The following KIAA1328 variants were observed in gnomAD, a reference collection of about 807,000 sequenced individuals.
KIAA1328 encodes the protein KIAA1328.
A neutral mutation model predicts 68.1 loss-of-function variants in KIAA1328; 52 were observed. That is an observed-to-expected ratio of 0.76 (90% CI 0.61 to 0.96). KIAA1328 has a LOEUF of 0.96. Among genes scored for constraint, KIAA1328 ranks in the 40% least tolerant of loss-of-function variants. The probability of loss-of-function intolerance (pLI) is 0.00; values close to 1 mark genes in which losing one functional copy is unlikely to be tolerated. For synonymous variants in KIAA1328, 232 were observed against 239.4 expected (o/e 0.97, Z 0.28); for missense variants, 641 against 677.6 (o/e 0.95, Z 0.60).
chr18:37,040,812 A>G (rs1285638063), intron 6 of KIAA1328, among the ~76,000 whole-genome samples: 1 of 151,622 alleles, frequency 6.6e-6, no homozygotes, highest in African/African-American at 2.4e-5. Context: ...TTTTCAATCC[A>G]TGATTTTAGA....
chr18:36,982,730 T>A (rs558414147), intron 6 of KIAA1328, among the ~76,000 whole-genome samples: 20 of 151,958 alleles, frequency 1.3e-4, no homozygotes, highest in Non-Finnish European at 2.8e-4. Context: ...GGTAAATATA[T>A]AATATTTTTT....
chr18:36,831,574 T>C (rs915831014), intron 1 of KIAA1328, among the ~76,000 whole-genome samples: 2 of 152,230 alleles, frequency 1.3e-5, no homozygotes, highest in African/African-American at 4.8e-5. Flanking sequence ...TGTATTACCA[T>C]TAGCAATATC....
At chr18:37,021,039 C>G (rs1399326854) in intron 6 of KIAA1328, among the ~76,000 whole-genome samples, 2 of 152,124 alleles carry the variant, frequency 1.3e-5, no homozygotes, top group Non-Finnish European at 2.9e-5. Flanking sequence ...CAGACTTGCC[C>G]TAACAGATTT....
In KIAA1328 at chr18:37,222,279, T is replaced by G; in HGVS notation, c.*52T>G. ...TTGTGGGTTTCCTCACATACTGATC[T>G]AGGATTTTAAATTATTTCATTGCAA... is the stretch of plus-strand genomic sequence containing the variant. On this transcript the variant is annotated 3_prime_UTR_variant, in exon 10 of 10. Transcript: ENST00000280020. 2 of 1,542,766 alleles carry G rather than the reference T, an allele frequency of 1.3e-6. No homozygotes were observed. Among genetic ancestry groups the G allele is most frequent in the South Asian group, 2.4e-5 (2 of 82,724 alleles).
chr18:37,139,371 G>C (rs1483292042), intron 7 of KIAA1328, among the ~76,000 whole-genome samples: 1 of 152,152 alleles, frequency 6.6e-6, no homozygotes, highest in Non-Finnish European at 1.5e-5. Flanking sequence ...TTATCTTTAA[G>C]ACGAGTTCTA....
At chr18:37,182,324 A>T (rs2059713754) in intron 9 of KIAA1328, among the ~76,000 whole-genome samples, 1 of 152,168 alleles carries the variant, frequency 6.6e-6, no homozygotes, top group Admixed American at 6.5e-5. Flanking sequence ...GCTCCAAGAG[A>T]CAATTACAGA....
In KIAA1328 at chr18:36,864,540, A is replaced by G. The variant is rs934363245; in HGVS notation, c.332+20238A>G. The stretch of plus-strand genomic sequence containing the variant: ...AGTTATAATTGTTTTTATGTGTTGT[A>G]GGATTTGATTTTCTATTAGTTTGTT... On this transcript the variant is annotated intron_variant, in intron 4 of 9. Transcript: ENST00000280020. 2.0e-5 allele frequency among the ~76,000 whole-genome samples: 3 copies of G among 150,074 alleles called. No individual in the cohort carries two copies. The South Asian group carries it at 6.3e-4, about 31-fold the overall frequency.
rs947206537 is a variant in KIAA1328, at chr18:36,829,325, C to T, written c.58+129C>T. ...ACCCCGGGGATGGGGACGTGCTGCT[C>T]GGCCCCAGTCTAGGTGCTGGGCTCT... On this transcript the variant is annotated intron_variant, in intron 1 of 9. Transcript: ENST00000280020. The T allele has an allele frequency of 2.0e-5, 28 of 1,399,696 alleles. No individual in the cohort carries two copies. In the African/African-American group the frequency reaches 3.8e-4, roughly 19 times the overall value. The allele number at this position is 1,399,696 out of a possible 1,614,324, so 86.7% of individuals were successfully genotyped here.
At chr18:36,984,775 G>T (rs902087743) in intron 6 of KIAA1328, among the ~76,000 whole-genome samples, 1 of 151,838 alleles carries the variant, frequency 6.6e-6, no homozygotes, top group Non-Finnish European at 1.5e-5. Flanking sequence ...GTGTGATGGT[G>T]CATGCCCGTA....
chr18:36,863,642 C>G (rs1336340011), intron 4 of KIAA1328, among the ~76,000 whole-genome samples: 3 of 152,100 alleles, frequency 2.0e-5, no homozygotes, highest in African/African-American at 4.8e-5. Flanking sequence ...GTCTTCTCAT[C>G]TATGAACATG....
chr18:36,949,612 C>T (rs1211706424), intron 5 of KIAA1328, among the ~76,000 whole-genome samples: 2 of 114,862 alleles, frequency 1.7e-5, no homozygotes, highest in Non-Finnish European at 3.5e-5. Context: ...CCCCCCCACC[C>T]CCCGATCTTG....
chr18:37,217,069 C>G (rs543940114), intron 9 of KIAA1328, among the ~76,000 whole-genome samples: 1 of 149,450 alleles, frequency 6.7e-6, no homozygotes, highest in East Asian at 2.0e-4. Flanking sequence ...TGTCTCTGCA[C>G]GTGAGATGAG....
intron 6 of KIAA1328, among the ~76,000 whole-genome samples, chr18:37,042,479 C>T (rs1200353489): frequency 6.6e-6 from 1 of 152,210 alleles, no homozygotes; most frequent in African/African-American, 2.4e-5. Flanking sequence ...ATTTTGCCTT[C>T]ATGCCTTCAT....
Position 36,875,423 on chromosome 18 carries a change from T to C in KIAA1328, c.333-10134T>C, listed in dbSNP as rs2048087126. On this transcript the variant is annotated intron_variant, in intron 4 of 9. Coordinates refer to ENST00000280020, the MANE Select transcript of KIAA1328 (RefSeq NM_020776.3). Reference sequence around the variant, plus strand: ...TATTCCTAGGTATTTATTCTCTTTGTAGCAATGGTGAATGGGAGTTCACTC... The same window carrying C: ...TATTCCTAGGTATTTATTCTCTTTGCAGCAATGGTGAATGGGAGTTCACTC... Among the ~76,000 whole-genome samples, 10 of 152,290 alleles carry C rather than the reference T, an allele frequency of 6.6e-5. No homozygotes were observed. The South Asian group carries it at 2.1e-3, about 32-fold the overall frequency.
chr18:37,200,583 G>A lies in KIAA1328; in HGVS notation c.1524-21434G>A, dbSNP rs572024627. 2.8e-4 allele frequency among the ~76,000 whole-genome samples: 43 copies of A among 151,560 alleles called. 1 individual carries two copies. The South Asian group carries it at 6.7e-3, about 24-fold the overall frequency. On this transcript the variant is annotated intron_variant, in intron 9 of 9. Transcript: ENST00000280020. ...TCCCAGCACTTTGGGAGGCCGAGGCGGGTGGATCATGAGGTCAGGAGATCG... is the reference window on the plus strand; with the variant it reads ...TCCCAGCACTTTGGGAGGCCGAGGCAGGTGGATCATGAGGTCAGGAGATCG...
rs373020707 is a variant in KIAA1328, at chr18:37,160,396, T to G, written c.1414+15T>G. 10 of 1,599,492 alleles carry G rather than the reference T, an allele frequency of 6.3e-6. No homozygotes were observed. In the African/African-American group the frequency reaches 1.1e-4, roughly 17 times the overall value. ...ACCCCAAAGAGGTAAGTTTAACAACTGTAGTGGCAAAATGAGAAACTGGTA... is the reference window on the plus strand; with the variant it reads ...ACCCCAAAGAGGTAAGTTTAACAACGGTAGTGGCAAAATGAGAAACTGGTA... On this transcript the variant is annotated intron_variant, in intron 8 of 9. Coordinates refer to ENST00000280020, the MANE Select transcript of KIAA1328 (RefSeq NM_020776.3).
At chr18:37,029,859 A>T (rs1223594870) in intron 6 of KIAA1328, among the ~76,000 whole-genome samples, 1 of 152,144 alleles carries the variant, frequency 6.6e-6, no homozygotes, top group Non-Finnish European at 1.5e-5. Flanking sequence ...TTTTGTGAGA[A>T]TATTTTTAAT....
intron 5 of KIAA1328, among the ~76,000 whole-genome samples, chr18:36,953,303 A>G (rs1453084855): frequency 1.4e-5 from 2 of 147,428 alleles, no homozygotes; most frequent in African/African-American, 2.5e-5. Context: ...TATTTATTAT[A>G]TACAAATATT....
At chr18:36,878,344 G>T (rs569908865) in intron 4 of KIAA1328, among the ~76,000 whole-genome samples, 1 of 151,720 alleles carries the variant, frequency 6.6e-6, no homozygotes, top group East Asian at 1.9e-4. Flanking sequence ...GTTGAATATT[G>T]GCCTCCTCTG....
Sources: gnomAD v4.1 joint callset for allele counts (sites outside exome capture counted in the v4.1 genomes callset) on GRCh38, gnomAD v4.1.1 for gene constraint, MANE v1.5 for transcripts, NCBI Gene and HGNC (gene_info 2026-07-23, HGNC 2026-07-21) for gene names.